Variants in NUTF2 observed in about 807,000 individuals in gnomAD.
NUTF2 encodes the protein nuclear transport factor 2, also known as placental protein 15.
A neutral mutation model predicts 18.5 loss-of-function variants in NUTF2; 3 were observed. The observed-to-expected ratio is 0.16, with a 90% CI of 0.07 to 0.42. NUTF2 has a LOEUF of 0.42. NUTF2 is among the 10% of genes least tolerant of loss of function. NUTF2 has a pLI of 0.99. For missense variants in NUTF2, 44 were observed against 160.7 expected (o/e 0.27, Z 3.93); for synonymous variants, 51 against 57.9 (o/e 0.88, Z 0.54).
At chr16:67,849,068 A>G (rs1398963676) in intron 1 of NUTF2, among the ~76,000 whole-genome samples, 1 of 152,180 alleles carries the variant, frequency 6.6e-6, no homozygotes, top group Non-Finnish European at 1.5e-5. Context: ...TTCTCTCTGG[A>G]TGTAACTTTC....
intron 4 of NUTF2, among the ~76,000 whole-genome samples, chr16:67,869,226 G>A (rs1233816240): frequency 6.6e-6 from 1 of 151,822 alleles, no homozygotes; most frequent in Non-Finnish European, 1.5e-5. Flanking sequence ...TGGGATTACA[G>A]CTGCCCGCCA....
At chr16:67,866,898 A>G (rs956407504) in intron 2 of NUTF2, among the ~76,000 whole-genome samples, 1 of 149,774 alleles carries the variant, frequency 6.7e-6, no homozygotes, top group African/African-American at 2.5e-5. Context: ...GTGAGTTACC[A>G]TGCCCAGCAT....
chr16:67,867,749 C>T (rs530188327), intron 2 of NUTF2, among the ~76,000 whole-genome samples: 6 of 152,108 alleles, frequency 3.9e-5, no homozygotes, highest in South Asian at 2.1e-4. Flanking sequence ...TGCAGTGGTG[C>T]GATTTCGGCT....
chr16:67,855,174 GCCAGCAGTGTATGGATTA>G lies in NUTF2; in HGVS notation c.-30+8190_-30+8207del, dbSNP rs367794269. ...AATTCTTGAGTCCCTCCCTCGGGGA[GCCAGCAGTGTATGGATTA>G]TCCTTGGAGTGACTTAGGTCATGTG... On this transcript the variant is annotated intron_variant, in intron 1 of 4. Transcript: ENST00000219169. Among the ~76,000 whole-genome samples the G allele has an allele frequency of 4.2e-3, 634 of 152,266 alleles. 4 individuals carry two copies. The highest frequency in any genetic ancestry group is 0.015 in the African/African-American group (619 of 41,552).
chr16:67,858,889 T>C lies in NUTF2; in HGVS notation c.-29-6213T>C, dbSNP rs565326036. Among the ~76,000 whole-genome samples the C allele has an allele frequency of 8.5e-5, 13 of 152,090 alleles. No homozygotes were observed. The East Asian group carries it at 1.5e-3, about 18-fold the overall frequency. ...CTTCAGGACACTTTTTTTTTTTTTT[T>C]TGAGACAAGATCTCACTGTGTTGCC... is the stretch of plus-strand genomic sequence containing the variant. On this transcript the variant is annotated intron_variant, in intron 1 of 4. Coordinates refer to ENST00000219169, the MANE Select transcript of NUTF2 (RefSeq NM_005796.3).
chr16:67,871,867 C>A lies in NUTF2; in HGVS notation c.*954C>A. 1 of 152,426 alleles carries A rather than the reference C, an allele frequency of 6.6e-6. No individual in the cohort carries two copies. Among genetic ancestry groups the A allele is most frequent in the Non-Finnish European group, 1.5e-5 (1 of 68,150 alleles). The allele number at this position is 152,426 out of a possible 1,614,324, so 9.4% of individuals were successfully genotyped here. On this transcript the variant is annotated 3_prime_UTR_variant, in exon 5 of 5. Coordinates refer to ENST00000219169, the MANE Select transcript of NUTF2 (RefSeq NM_005796.3). ...ATATCTTTACCCAAAGGCAGGTAACCCGAAGAGCCAGCCTCCACTGCCCAC... is the reference window on the plus strand; with the variant it reads ...ATATCTTTACCCAAAGGCAGGTAACACGAAGAGCCAGCCTCCACTGCCCAC...
intron 2 of NUTF2, 43 bp from the exon 3 acceptor site, chr16:67,868,297 T>A: frequency 6.3e-7 from 1 of 1,579,552 alleles, no homozygotes; most frequent in Non-Finnish European, 8.7e-7. Flanking sequence ...GAGATACTTG[T>A]ACTCTGAGGC....
chr16:67,852,338 A>G (rs1371518696), intron 1 of NUTF2, among the ~76,000 whole-genome samples: 4 of 150,208 alleles, frequency 2.7e-5, no homozygotes, highest in Non-Finnish European at 5.9e-5. Context: ...ACAAAACACT[A>G]TTATCTTTTT....
chr16:67,867,528 C>A (rs1008694773), intron 2 of NUTF2, among the ~76,000 whole-genome samples: 1 of 152,050 alleles, frequency 6.6e-6, no homozygotes, highest in Non-Finnish European at 1.5e-5. Context: ...GATTTTGCTT[C>A]TTGGTGGTAG....
At chr16:67,850,547 TA>T (rs1469116300) in intron 1 of NUTF2, among the ~76,000 whole-genome samples, 1 of 152,162 alleles carries the variant, frequency 6.6e-6, no homozygotes, top group African/African-American at 2.4e-5. Flanking sequence ...TAGCCATTGC[TA>T]GGCATCCTGA....
chr16:67,860,667 G>A (rs1428287894), intron 1 of NUTF2, among the ~76,000 whole-genome samples: 1 of 152,208 alleles, frequency 6.6e-6, no homozygotes, highest in East Asian at 1.9e-4. Flanking sequence ...TGGCCTCCGT[G>A]ATAGCATGTG....
intron 1 of NUTF2, among the ~76,000 whole-genome samples, chr16:67,859,052 C>T (rs1038876168): frequency 1.3e-5 from 2 of 151,220 alleles, no homozygotes; most frequent in Non-Finnish European, 2.9e-5. Flanking sequence ...CCAGGCTGGT[C>T]TTGAACTGCT....
intron 1 of NUTF2, among the ~76,000 whole-genome samples, chr16:67,858,455 C>T: frequency 6.6e-6 from 1 of 152,204 alleles, no homozygotes; most frequent in African/African-American, 2.4e-5. Context: ...GCGTGAGCCA[C>T]TGTACCTGGC....
intron 1 of NUTF2, among the ~76,000 whole-genome samples, chr16:67,849,954 G>A (rs1333840666): frequency 6.6e-6 from 1 of 151,986 alleles, no homozygotes; most frequent in Non-Finnish European, 1.5e-5. Context: ...CACCACGTCC[G>A]GCCTTATTTT....
chr16:67,867,940 C>T (rs557087393), intron 2 of NUTF2, among the ~76,000 whole-genome samples: 3 of 152,356 alleles, frequency 2.0e-5, no homozygotes, highest in Non-Finnish European at 4.4e-5. Context: ...CCCGCCTTGG[C>T]TTCCCAAAGT....
At chr16:67,855,900 T>TGGGGGGG (rs1256646247) in intron 1 of NUTF2, 18 of 222,094 alleles carry the variant, frequency 8.1e-5, no homozygotes, top group African/African-American at 4.2e-4. Flanking sequence ...GGGGGGGGGA[T>TGGGGGGG]GGGGGAAATG....
chr16:67,863,772 T>C (rs1488614271), intron 1 of NUTF2, among the ~76,000 whole-genome samples: 1 of 152,184 alleles, frequency 6.6e-6, no homozygotes. Context: ...GTTGGGGCCA[T>C]CCACAGAAAA....
At chr16:67,855,931 C>G (rs961306538) in intron 1 of NUTF2, 5 of 687,316 alleles carry the variant, frequency 7.3e-6, no homozygotes, top group East Asian at 3.0e-5. Flanking sequence ...TATTTCATTG[C>G]GGGGAGTGGG....
At chr16:67,849,563 C>T (rs2057837255) in intron 1 of NUTF2, among the ~76,000 whole-genome samples, 1 of 151,970 alleles carries the variant, frequency 6.6e-6, no homozygotes. Flanking sequence ...GCTGGTCAAA[C>T]TCCTGACCTC....
Sources: gnomAD v4.1 joint callset for allele counts (sites outside exome capture counted in the v4.1 genomes callset) on GRCh38, gnomAD v4.1.1 for gene constraint, MANE v1.5 for transcripts, NCBI Gene and HGNC (gene_info 2026-07-23, HGNC 2026-07-21) for gene names.